MAK: variants seen among roughly 807,000 people sequenced by gnomAD.
MAK encodes male germ cell associated kinase.
MAK carries 65 observed loss-of-function variants against 82.6 expected under a neutral mutation model. The ratio of observed to expected loss-of-function variants is 0.79; its 90% CI spans 0.64 to 0.97. The LOEUF (loss-of-function observed/expected upper bound fraction) is 0.97, where lower values mean the gene tolerates loss of function less well. Ranked by LOEUF, MAK falls within the 50% of genes least tolerant of loss-of-function variation. MAK has a pLI of 0.00. For missense variants in MAK, 703 were observed against 780.2 expected (o/e 0.90, Z 1.18); for synonymous variants, 250 against 274.2 (o/e 0.91, Z 0.87).
chr6:10,821,073 T>C (rs1237164755), intron 2 of MAK, among the ~76,000 whole-genome samples: 1 of 151,912 alleles, frequency 6.6e-6, no homozygotes. Flanking sequence ...CTCTGCCTCC[T>C]GGGTAGCTGG....
intron 11 of MAK, among the ~76,000 whole-genome samples, chr6:10,783,487 A>G (rs1204951927): frequency 6.6e-6 from 1 of 152,186 alleles, no homozygotes; most frequent in Non-Finnish European, 1.5e-5. Flanking sequence ...CCAGTTCCCA[A>G]GTCAAAACCT....
intron 14 of MAK, among the ~76,000 whole-genome samples, chr6:10,766,965 A>G (rs1109712): frequency 0.045 from 6,883 of 152,244 alleles, 473 homozygotes; most frequent in African/African-American, 0.15. Flanking sequence ...TTCCTTTCCT[A>G]GATATACTAG....
At chr6:10,810,181 AT>A (rs1430517678) in intron 5 of MAK, among the ~76,000 whole-genome samples, 1 of 150,492 alleles carries the variant, frequency 6.6e-6, no homozygotes, top group Non-Finnish European at 1.5e-5. Context: ...GGCAGATGAG[AT>A]TTGTCTTAAG....
chr6:10,784,662 T>TCGCCC (rs374889861), intron 10 of MAK, 90 bp from the exon 11 acceptor site: 792 of 1,179,524 alleles, frequency 6.7e-4, no homozygotes, highest in Non-Finnish European at 8.5e-4. Flanking sequence ...TCTGCACATC[T>TCGCCC]TCCTAAGCCA....
At chr6:10,818,842 A>T (rs375124350) in intron 3 of MAK, 44 bp downstream of exon 3, 11 of 988,432 alleles carry the variant, frequency 1.1e-5, no homozygotes, top group Non-Finnish European at 1.6e-5. Flanking sequence ...GTCCTCAGGT[A>T]GTGTTAAGGC....
At chr6:10,825,875 G>A (rs73721395) in intron 2 of MAK, among the ~76,000 whole-genome samples, 93 of 152,218 alleles carry the variant, frequency 6.1e-4, no homozygotes, top group African/African-American at 2.1e-3. Flanking sequence ...CAACATGACT[G>A]CACTGACCTT....
rs928579889 is a variant in MAK at position 10,776,264 on chromosome 6, AT to A, written c.1466-806del. 2.0e-5 allele frequency among the ~76,000 whole-genome samples: 3 copies of A among 152,204 alleles called. No homozygotes were observed. Among genetic ancestry groups the A allele is most frequent in the African/African-American group, 7.2e-5 (3 of 41,466 alleles). ...AGATACAGTAAAATGGAAACAGTTTATCCCCTGTGCGCCAGAAAGAAGTCAT... is the reference window on the plus strand; with the variant it reads ...AGATACAGTAAAATGGAAACAGTTTACCCCTGTGCGCCAGAAAGAAGTCAT... On this transcript the variant is annotated intron_variant, in intron 11 of 14. Transcript: ENST00000354489. The surrounding 1 kb of genome is among the most constrained non-coding windows in gnomAD (Gnocchi z 4.3).
At chr6:10,769,226 TTAAAA>T (rs1174471174) in intron 14 of MAK, among the ~76,000 whole-genome samples, 2 of 152,180 alleles carry the variant, frequency 1.3e-5, no homozygotes, top group South Asian at 2.1e-4. Context: ...TAAAAAAGAA[TTAAAA>T]TAAATAAATT....
At chr6:10,823,621 C>T (rs965281616) in intron 2 of MAK, among the ~76,000 whole-genome samples, 3 of 152,212 alleles carry the variant, frequency 2.0e-5, no homozygotes, top group Non-Finnish European at 4.4e-5. Flanking sequence ...CCTCCGCCTC[C>T]TGGGTTCAAG....
At chr6:10,780,288 A>C (rs1773841097) in intron 11 of MAK, 1 of 979,148 alleles carries the variant, frequency 1.0e-6, no homozygotes, top group Non-Finnish European at 1.2e-6. Flanking sequence ...AAATGATCAA[A>C]CAGGTCTCAG....
In MAK at chr6:10,820,212, G is replaced by A. The variant is rs894457471; in HGVS notation, c.102-1272C>T. 3.9e-5 allele frequency among the ~76,000 whole-genome samples: 6 copies of A among 152,114 alleles called. No individual in the cohort carries two copies. The East Asian group carries it at 1.2e-3, about 29-fold the overall frequency. ...GCTGTGAAAAAGAAAAACCAAATATGCCATGCTGCTTTCATTTAGTATTAT... is the reference window on the plus strand; with the variant it reads ...GCTGTGAAAAAGAAAAACCAAATATACCATGCTGCTTTCATTTAGTATTAT... On this transcript the variant is annotated intron_variant, in intron 2 of 14. Transcript: ENST00000354489.
chr6:10,819,620 G>A (rs1256548128), intron 2 of MAK, among the ~76,000 whole-genome samples: 3 of 151,430 alleles, frequency 2.0e-5, no homozygotes. Context: ...CGACAGATGA[G>A]AAATGGCTTT....
chr6:10,779,722 T>C (rs1029665188), intron 11 of MAK, among the ~76,000 whole-genome samples: 3 of 152,206 alleles, frequency 2.0e-5, no homozygotes, highest in Non-Finnish European at 4.4e-5. Flanking sequence ...TTCACTCTTG[T>C]TGCCCAGGCT....
intron 10 of MAK, among the ~76,000 whole-genome samples, chr6:10,786,614 C>T (rs1774570710): frequency 8.2e-6 from 1 of 122,200 alleles, no homozygotes; most frequent in African/African-American, 3.7e-5. Context: ...CTCCTATTCA[C>T]CACTCCACTA....
chr6:10,795,804 C>T (rs970868550), intron 9 of MAK, among the ~76,000 whole-genome samples, 194 bp downstream of exon 9: 44 of 152,102 alleles, frequency 2.9e-4, no homozygotes, highest in African/African-American at 9.7e-4. Flanking sequence ...TACTTTTATC[C>T]TGAAAGTTTT....
intron 11 of MAK, chr6:10,780,136 G>T: frequency 2.2e-6 from 1 of 453,466 alleles, no homozygotes; most frequent in South Asian, 9.3e-5. Context: ...TCAAAACCAC[G>T]ACCGCCAATA....
chr6:10,787,584 C>T (rs1450361452), intron 10 of MAK, among the ~76,000 whole-genome samples: 1 of 152,116 alleles, frequency 6.6e-6, no homozygotes, highest in Non-Finnish European at 1.5e-5. Flanking sequence ...AATGGCTGGG[C>T]GCAGTGGCTC....
intron 4 of MAK, 70 bp downstream of exon 4, chr6:10,817,773 CATAAAGT>C (rs1777604836): frequency 8.5e-7 from 1 of 1,181,434 alleles, no homozygotes; most frequent in Non-Finnish European, 1.2e-6. Flanking sequence ...ATCTTTCTCT[CATAAAGT>C]ATGACATATC....
At chr6:10,827,908 T>C (rs1778503605) in intron 2 of MAK, 1 of 152,228 alleles carries the variant, frequency 6.6e-6, no homozygotes, top group Admixed American at 6.5e-5. Flanking sequence ...CTCAAACTCC[T>C]GGGATCAAGC....
Sources: allele counts gnomAD v4.1 joint callset (sites outside exome capture counted in the v4.1 genomes callset), GRCh38; gene constraint gnomAD v4.1.1; non-coding constraint Gnocchi (gnomAD v3.1); transcripts MANE v1.5; gene names NCBI Gene and HGNC (gene_info 2026-07-23, HGNC 2026-07-21).